GOLGA4: variants seen among roughly 807,000 people sequenced by gnomAD.
GOLGA4 encodes golgin A4, also known as golgin subfamily A member 4.
GOLGA4 carries 169 observed loss-of-function variants against 265.9 expected under a neutral mutation model. The observed-to-expected ratio is 0.64, with a 90% CI of 0.56 to 0.72. The LOEUF (loss-of-function observed/expected upper bound fraction) is 0.72, where lower values mean the gene tolerates loss of function less well. Ranked by LOEUF, GOLGA4 falls within the 30% of genes least tolerant of loss-of-function variation. The pLI is 0.00. For missense variants in GOLGA4, 2,482 were observed against 2,483.4 expected, an observed-to-expected ratio of 1.00 and a Z score of 0.01; for synonymous variants, 923 against 855.8, an observed-to-expected ratio of 1.08 and a Z score of -1.37.
chr3:37,297,078 A>G (rs866776153), intron 7 of GOLGA4, among the ~76,000 whole-genome samples: 6 of 152,224 alleles, frequency 3.9e-5, no homozygotes, highest in Non-Finnish European at 8.8e-5. Flanking sequence ...AAATAGTTCT[A>G]TATTCATAGA....
intron 2 of GOLGA4, among the ~76,000 whole-genome samples, chr3:37,270,214 T>C (rs1465048705): frequency 6.9e-6 from 1 of 145,910 alleles, no homozygotes; most frequent in Admixed American, 6.8e-5. Flanking sequence ...TTTTTTTTTT[T>C]TTTTTTTTTG....
chr3:37,328,684 C>A, intron 15 of GOLGA4, 147 bp downstream of exon 15: 1 of 828,356 alleles, frequency 1.2e-6, no homozygotes, highest in Non-Finnish European at 1.9e-6. Context: ...TAATGGGAAC[C>A]TGCCCTGCTT....
chr3:37,246,546 T>C (rs2096720222), intron 1 of GOLGA4, among the ~76,000 whole-genome samples: 1 of 152,172 alleles, frequency 6.6e-6, no homozygotes, highest in African/African-American at 2.4e-5. Flanking sequence ...CTCCACTTAA[T>C]TGAGGTACCT....
At chr3:37,340,632 T>G (rs1170357726) in intron 20 of GOLGA4, among the ~76,000 whole-genome samples, 1 of 152,156 alleles carries the variant, frequency 6.6e-6, no homozygotes, top group Non-Finnish European at 1.5e-5. Flanking sequence ...CACAGTCCCT[T>G]ATAACCACCA....
At chr3:37,290,266 T>G (rs2096861426) in intron 5 of GOLGA4, among the ~76,000 whole-genome samples, 1 of 152,226 alleles carries the variant, frequency 6.6e-6, no homozygotes, top group Admixed American at 6.5e-5. Flanking sequence ...TATAGCCGTA[T>G]TGTCCCATAG....
rs778925638 is a variant in GOLGA4 at position 37,323,622 on chromosome 3, G to A, written c.1736G>A (p.Ser579Asn). The A allele has an allele frequency of 1.3e-6, 2 of 1,575,620 alleles. No homozygotes were observed. Among genetic ancestry groups the A allele is most frequent in the South Asian group, 1.2e-5 (1 of 84,086 alleles). The change falls in exon 14 of 24, where the codon AGC becomes AAC. Residue 579 changes from serine to asparagine, a missense_variant. Physicochemically the swap from Ser to Asn is conservative, Grantham distance 46. Around this residue, in one of 3 missense-constraint regions of GOLGA4, gnomAD observed 1,536 missense variants for 1,483.7 expected, o/e 1.04. Transcript: ENST00000361924. Reference protein sequence around the residue: ...ILELESSLEKSLQENKNQSKD... With the variant: ...ILELESSLEKNLQENKNQSKD... ...GAATTGGAAAGTTCTTTGGAAAAAAGCTTACAAGAAAACAAAAATCAGTCA... is the reference window on the plus strand; with the variant it reads ...GAATTGGAAAGTTCTTTGGAAAAAAACTTACAAGAAAACAAAAATCAGTCA...
intron 23 of GOLGA4, among the ~76,000 whole-genome samples, chr3:37,362,224 TATTTATTTATTTATTA>T (rs1404731978): frequency 2.5e-4 from 22 of 86,974 alleles, no homozygotes; most frequent in Non-Finnish European, 4.5e-4. Flanking sequence ...TTTATTTATT[TATTTATTTATTTATTA>T]TTTTTTTTTT....
At chr3:37,258,926 A>G (rs2096761957) in intron 2 of GOLGA4, among the ~76,000 whole-genome samples, 1 of 152,058 alleles carries the variant, frequency 6.6e-6, no homozygotes, top group Non-Finnish European at 1.5e-5. Flanking sequence ...TATTCATAAG[A>G]GATGCTGGTC....
chr3:37,359,239 A>G (rs1372660588), intron 22 of GOLGA4, among the ~76,000 whole-genome samples: 2 of 152,182 alleles, frequency 1.3e-5, no homozygotes, highest in East Asian at 3.9e-4. Context: ...GAGTGAATAC[A>G]TAAGTTCTTG....
At chr3:37,276,479 T>A (rs952203947) in intron 2 of GOLGA4, 1 of 1,610,420 alleles carries the variant, frequency 6.2e-7, no homozygotes, top group Non-Finnish European at 8.5e-7. Flanking sequence ...CTTGTTCACA[T>A]GTGGCAAATG....
intron 5 of GOLGA4, 83 bp downstream of exon 5, chr3:37,289,374 A>G: frequency 1.2e-6 from 1 of 827,616 alleles, no homozygotes; most frequent in Non-Finnish European, 2.0e-6. Context: ...GGGTAGTTTC[A>G]TATGCATCTC....
intron 3 of GOLGA4, among the ~76,000 whole-genome samples, chr3:37,282,787 A>G (rs183728165): frequency 1.2e-4 from 18 of 152,286 alleles, no homozygotes; most frequent in Admixed American, 1.2e-3. Flanking sequence ...TCATTGCTAA[A>G]CCCTTGAGAA....
chr3:37,353,865 T>C (rs991518419), intron 21 of GOLGA4, among the ~76,000 whole-genome samples: 2 of 152,012 alleles, frequency 1.3e-5, no homozygotes. Context: ...AGTGTTGGGA[T>C]TACAGTTGTT....
chr3:37,294,875 C>T, intron 5 of GOLGA4, 104 bp from the exon 6 acceptor site: 1 of 643,390 alleles, frequency 1.6e-6, no homozygotes, highest in Non-Finnish European at 2.7e-6. Flanking sequence ...TTGCTGATAC[C>T]TTAAGGGGAA....
intron 9 of GOLGA4, 131 bp from the exon 10 acceptor site, chr3:37,302,048 CAAAGTG>C: frequency 1.4e-6 from 1 of 710,264 alleles, no homozygotes; most frequent in Non-Finnish European, 2.4e-6. Flanking sequence ...CTTGGCCTCC[CAAAGTG>C]CTGGGATTAT....
chr3:37,362,461 C>T (rs1406403071), intron 23 of GOLGA4, among the ~76,000 whole-genome samples: 5 of 151,382 alleles, frequency 3.3e-5, no homozygotes, highest in East Asian at 2.0e-4. Context: ...AGGATGGTCT[C>T]GATCTCCTGA....
In GOLGA4 at chr3:37,243,431, C is replaced by T. The variant is rs539229460; in HGVS notation, c.-120C>T. 8 of 831,098 alleles carry T rather than the reference C, an allele frequency of 9.6e-6. No homozygotes were observed. The East Asian group carries it at 1.6e-4, about 16-fold the overall frequency. The allele number at this position is 831,098 out of a possible 1,614,324, so 51.5% of individuals were successfully genotyped here. ...GCCCACAGCCTCAAGGAGGAGACGG[C>T]GAGGCCCGGCCCCCGCTGTCCCTGG... On this transcript the variant is annotated 5_prime_UTR_variant, in exon 1 of 24. Coordinates refer to ENST00000361924, the MANE Select transcript of GOLGA4 (RefSeq NM_002078.5).
intron 21 of GOLGA4, among the ~76,000 whole-genome samples, chr3:37,350,047 A>G (rs2097069019): frequency 6.6e-6 from 1 of 152,136 alleles, no homozygotes; most frequent in African/African-American, 2.4e-5. Context: ...CCTTTTCAAC[A>G]TAAAGTGTTT....
intron 2 of GOLGA4, among the ~76,000 whole-genome samples, chr3:37,277,706 T>A (rs2096823216): frequency 6.6e-6 from 1 of 152,112 alleles, no homozygotes; most frequent in Non-Finnish European, 1.5e-5. Flanking sequence ...AGTTTTGCTT[T>A]TGTTAAAGTG....
Sources: allele counts gnomAD v4.1 joint callset (sites outside exome capture counted in the v4.1 genomes callset), GRCh38; gene constraint gnomAD v4.1.1; regional missense constraint gnomAD v4.1.1; transcripts MANE v1.5; gene names NCBI Gene and HGNC (gene_info 2026-07-23, HGNC 2026-07-21).